Variants in TRPM1 observed in about 807,000 individuals in gnomAD.
TRPM1 encodes the protein transient receptor potential cation channel subfamily M member 1, also known as TRPM1-203 APA Isoform, Intron 10.
A neutral mutation model predicts 149.4 loss-of-function variants in TRPM1; 113 were observed. That is an observed-to-expected ratio of 0.76 (90% CI 0.65 to 0.88). The LOEUF (loss-of-function observed/expected upper bound fraction) is 0.88. Ranked by LOEUF, TRPM1 falls within the 40% of genes least tolerant of loss-of-function variation. TRPM1 has a pLI of 0.00. For synonymous variants in TRPM1, 741 were observed against 759.5 expected (o/e 0.98, Z 0.40); for missense variants, 1,976 against 2,038.7 (o/e 0.97, Z 0.59).
intron 1 of TRPM1, among the ~76,000 whole-genome samples, chr15:31,098,641 T>C (rs1327839930): frequency 6.6e-6 from 1 of 152,084 alleles, no homozygotes; most frequent in African/African-American, 2.4e-5. Context: ...GCTTTCCACC[T>C]CACCAAGCCT....
chr15:31,150,206 G>C (rs139403517), intron 1 of TRPM1, among the ~76,000 whole-genome samples: 1 of 152,286 alleles, frequency 6.6e-6, no homozygotes, highest in East Asian at 1.9e-4. Flanking sequence ...GTTAAAAGGA[G>C]GTTTCTTTCC....
At chr15:31,077,482 C>G (rs957573439) in intron 2 of TRPM1, among the ~76,000 whole-genome samples, 9 of 152,208 alleles carry the variant, frequency 5.9e-5, no homozygotes, top group African/African-American at 2.2e-4. Context: ...AGGCTGGGCA[C>G]TGGGAAGTGA....
intron 27 of TRPM1, among the ~76,000 whole-genome samples, chr15:31,016,615 C>T (rs911785284): frequency 1.3e-5 from 2 of 152,088 alleles, no homozygotes; most frequent in African/African-American, 2.4e-5. Context: ...ACTGGCAGGC[C>T]TAAGAGCAAT....
At chr15:31,155,291 C>T (rs1205222122) in intron 1 of TRPM1, among the ~76,000 whole-genome samples, 1 of 152,190 alleles carries the variant, frequency 6.6e-6, no homozygotes, top group Non-Finnish European at 1.5e-5. Flanking sequence ...GTGCCTGCTA[C>T]TCAGTTGCTC....
At position 31,120,723 on chromosome 15, in the gene TRPM1, A is replaced by AT. The variant is rs1555431243; in HGVS notation, c.54+40182_54+40183insA. On this transcript the variant is annotated intron_variant, in intron 1 of 26. Transcript: ENST00000542188. ...TGCTCTCAGACCACAATGGAATTAG[A>AT]CCAAAAAAAAAAAAATTACTGAAAG... is the stretch of plus-strand genomic sequence containing the variant. Among the ~76,000 whole-genome samples the AT allele has an allele frequency of 9.1e-5, 10 of 110,166 alleles. No homozygotes were observed. In the Admixed American group the frequency reaches 9.4e-4, roughly 10 times the overall value. 72.3% of individuals were successfully genotyped at this position (110,166 alleles called of 152,430 possible).
intron 15 of TRPM1, 138 bp from the exon 16 acceptor site, chr15:31,046,371 C>T: frequency 1.2e-6 from 1 of 823,820 alleles, no homozygotes; most frequent in Middle Eastern, 3.2e-4. Context: ...ATGATAATAT[C>T]CAAGGAAAAG....
In TRPM1 at chr15:31,063,292, C is replaced by G. The variant is rs1266361966; in HGVS notation, c.791G>C (p.Arg264Thr). The stretch of plus-strand genomic sequence containing the variant: ...CACGAGGGGCACGCCCTGCCCCAGT[C>G]CTGCAACACAAACCACATTCGCCCA... ...KHISLQKINT[R>T]LGQGVPLVGL... The change falls in exon 8 of 28, where the codon AGA (arginine) becomes ACA (threonine). Residue 264 changes from arginine to threonine, a missense_variant and splice_region_variant. Coordinates refer to ENST00000256552, the MANE Select transcript of TRPM1 (RefSeq NM_001252024.2). 6.2e-7 allele frequency: 1 copy of G among 1,614,210 alleles called. No homozygotes were observed. Among genetic ancestry groups the G allele is most frequent in the South Asian group, 1.1e-5 (1 of 91,080 alleles).
chr15:31,065,037 T>C (rs1183075967), intron 7 of TRPM1: 1 of 534,524 alleles, frequency 1.9e-6, no homozygotes, highest in African/African-American at 1.9e-5. Flanking sequence ...CGAAGCTCCG[T>C]GCTGTGGGAA....
At chr15:31,095,601 C>A (rs2035357741) in intron 1 of TRPM1, among the ~76,000 whole-genome samples, 1 of 152,036 alleles carries the variant, frequency 6.6e-6, no homozygotes, top group African/African-American at 2.4e-5. Context: ...AGGAGAATAG[C>A]TTGAACCCAG....
Position 31,049,450 on chromosome 15 carries a change from C to A in TRPM1, c.1497G>T (p.Val499=), listed in dbSNP as rs760314625. Residue 499 remains valine (V), a synonymous_variant, in exon 13 of 28, where the codon GTG becomes GTT. Transcript: ENST00000256552. The part of the protein sequence containing the change: ...DALVLDRVDF[V]KLLIENGVNM... ...TCACTCCGTTTTCAATCAGGAGCTT[C>A]ACAAAGTCGACACGATCTAAGACTA... The A allele has an allele frequency of 5.6e-6, 9 of 1,614,088 alleles. No homozygotes were observed. The highest frequency in any genetic ancestry group is 1.3e-5 in the African/African-American group (1 of 74,930).
intron 21 of TRPM1, 81 bp from the exon 22 acceptor site, chr15:31,033,021 A>T (rs1334410831): frequency 6.3e-7 from 1 of 1,586,248 alleles, no homozygotes; most frequent in Non-Finnish European, 8.6e-7. Context: ...AATAAGACTG[A>T]TGGAACATTC....
rs2033874543 is a variant in TRPM1, at chr15:31,049,397, C to T, written c.1550G>A (p.Arg517Lys). The T allele has an allele frequency of 6.2e-7, 1 of 1,614,232 alleles. No individual in the cohort carries two copies. Among genetic ancestry groups the T allele is most frequent in the Non-Finnish European group, 8.5e-7 (1 of 1,180,050 alleles). ...CACTGTGTTATAAAGCTCCTCCAGC[C>T]TCGGAATGGTCAGAAAGTGTTGCAT... ...VNMQHFLTIP[R>K]LEELYNTRLG... The change falls in exon 13 of 28, where the codon AGG becomes AAG. Residue 517 changes from arginine to lysine, a missense_variant. Arg to Lys is a conservative substitution (Grantham distance 26). Coordinates refer to ENST00000256552, the MANE Select transcript of TRPM1 (RefSeq NM_001252024.2).
At chr15:31,116,771 G>GA (rs931033657) in intron 1 of TRPM1, among the ~76,000 whole-genome samples, 4 of 142,728 alleles carry the variant, frequency 2.8e-5, no homozygotes, top group East Asian at 3.9e-4. Context: ...CAGAGAGAGA[G>GA]AAAAAAAAGA....
intron 27 of TRPM1, among the ~76,000 whole-genome samples, chr15:31,024,304 C>A (rs563613316): frequency 9.9e-5 from 15 of 152,276 alleles, no homozygotes; most frequent in Non-Finnish European, 2.1e-4. Context: ...TCACAGGTGC[C>A]CAAATAGCTA....
At chr15:31,004,666 TC>T (rs1317148801) in intron 27 of TRPM1, among the ~76,000 whole-genome samples, 1 of 152,176 alleles carries the variant, frequency 6.6e-6, no homozygotes, top group Non-Finnish European at 1.5e-5. Context: ...AGTCCTGGCT[TC>T]CTTTTTTTAA....
chr15:31,113,553 G>GT (rs368699771), intron 1 of TRPM1, among the ~76,000 whole-genome samples: 21 of 147,408 alleles, frequency 1.4e-4, no homozygotes, highest in South Asian at 4.2e-4. Flanking sequence ...CTCCTAAAAT[G>GT]TTTTTTTTTA....
chr15:31,119,907 A>G (rs1182873668), intron 1 of TRPM1, among the ~76,000 whole-genome samples: 2 of 152,168 alleles, frequency 1.3e-5, no homozygotes, highest in African/African-American at 2.4e-5. Context: ...AAAATGCTCA[A>G]TTGAAACTAG....
rs1052402014 is a variant in TRPM1, at chr15:31,081,452, C to A, written c.-83-14G>T. On this transcript the variant is annotated splice_polypyrimidine_tract_variant and intron_variant, in intron 1 of 27. Coordinates refer to ENST00000256552, the MANE Select transcript of TRPM1 (RefSeq NM_001252024.2). The stretch of plus-strand genomic sequence containing the variant: ...ATCTTCTAGAACCTACGAGGATAAA[C>A]AAGAGGAGTAAGAGTCACTTTGCCT... The A allele has an allele frequency of 2.0e-6, 3 of 1,513,252 alleles. No homozygotes were observed. Among genetic ancestry groups the A allele is most frequent in the African/African-American group, 2.8e-5 (2 of 72,450 alleles). The allele number at this position is 1,513,252 out of a possible 1,614,324, so 93.7% of individuals were successfully genotyped here. A position where few individuals can be genotyped will look rare whatever the true frequency, so the allele number is the denominator to read the frequency against.
chr15:31,111,693 T>C (rs2035691693), intron 1 of TRPM1, among the ~76,000 whole-genome samples: 1 of 152,180 alleles, frequency 6.6e-6, no homozygotes, highest in African/African-American at 2.4e-5. Flanking sequence ...GCTCAACGCA[T>C]GGCACCCCTC....
Sources: gnomAD v4.1 joint callset for allele counts (sites outside exome capture counted in the v4.1 genomes callset) on GRCh38, gnomAD v4.1.1 for gene constraint, MANE v1.5 for transcripts, NCBI Gene and HGNC (gene_info 2026-07-23, HGNC 2026-07-21) for gene names.